Variants in SPG21 observed in about 807,000 individuals in gnomAD.
SPG21 encodes SPG21 abhydrolase domain containing, maspardin, also known as maspardin.
In SPG21, 26 loss-of-function variants were observed where a neutral mutation model predicts 38.9. The ratio of observed to expected loss-of-function variants is 0.67; its 90% CI spans 0.49 to 0.93. The LOEUF (loss-of-function observed/expected upper bound fraction) is 0.93. Ranked by LOEUF, SPG21 falls within the 40% of genes least tolerant of loss-of-function variation. SPG21 has a pLI of 0.00. For missense variants in SPG21, 333 were observed against 376.5 expected, an observed-to-expected ratio of 0.88 and a Z score of 0.96; for synonymous variants, 136 against 128.9, an observed-to-expected ratio of 1.05 and a Z score of -0.37.
chr15:64,987,832 C>T lies in SPG21; in HGVS notation c.-25+1833G>A, dbSNP rs553363284. On this transcript the variant is annotated intron_variant, in intron 1 of 8. Transcript: ENST00000204566. ...GGTGGATCACCTGAGGTCAGGAGTTCGAGACCAGCCTGGCCAACATGGTGC... is the reference window on the plus strand; with the variant it reads ...GGTGGATCACCTGAGGTCAGGAGTTTGAGACCAGCCTGGCCAACATGGTGC... Among the ~76,000 whole-genome samples, 17 of 152,174 alleles carry T rather than the reference C, an allele frequency of 1.1e-4. 1 individual carries two copies. Among genetic ancestry groups the T allele is most frequent in the Admixed American group, 7.9e-4 (12 of 15,284 alleles).
intron 1 of SPG21, among the ~76,000 whole-genome samples, chr15:64,984,984 C>T (rs1392924717): frequency 7.9e-5 from 12 of 151,358 alleles, no homozygotes; most frequent in Admixed American, 7.9e-4. Flanking sequence ...CTCCTGACCT[C>T]ATGATCCACC....
At chr15:64,980,802 A>C (rs2085868785) in intron 3 of SPG21, 62 bp downstream of exon 3, 1 of 1,562,254 alleles carries the variant, frequency 6.4e-7, no homozygotes, top group Non-Finnish European at 8.8e-7. Flanking sequence ...GATGAGAGAC[A>C]GAAGCATAAA....
intron 3 of SPG21, among the ~76,000 whole-genome samples, chr15:64,977,554 T>A (rs2085805504): frequency 6.6e-6 from 1 of 151,824 alleles, no homozygotes; most frequent in African/African-American, 2.4e-5. Context: ...TTTGTAGAAA[T>A]GGGGTTTTGC....
At chr15:64,985,667 C>T (rs1260268521) in intron 1 of SPG21, among the ~76,000 whole-genome samples, 1 of 152,140 alleles carries the variant, frequency 6.6e-6, no homozygotes, top group African/African-American at 2.4e-5. Context: ...ACCTAACTCC[C>T]GGGCTGACTC....
intron 3 of SPG21, among the ~76,000 whole-genome samples, chr15:64,977,101 T>C (rs1223820894): frequency 6.6e-6 from 1 of 152,212 alleles, no homozygotes; most frequent in Admixed American, 6.5e-5. Context: ...GAGTCTCCTC[T>C]GTTGCCCAGG....
At chr15:64,969,595 T>C (rs185644762) in intron 6 of SPG21, among the ~76,000 whole-genome samples, 1,534 of 152,062 alleles carry the variant, frequency 0.01, 15 homozygotes, top group South Asian at 0.019. Flanking sequence ...CCCGGCCTTC[T>C]ACAGCCCTCA....
At chr15:64,979,506 A>G (rs2085845113) in intron 3 of SPG21, among the ~76,000 whole-genome samples, 1 of 152,194 alleles carries the variant, frequency 6.6e-6, no homozygotes, top group Non-Finnish European at 1.5e-5. Flanking sequence ...AAGCTGGAGA[A>G]ATTAAGCCAG....
Position 64,980,444 on chromosome 15 carries a change from A to G in SPG21, c.225+420T>C, listed in dbSNP as rs79991897. Reference sequence around the variant, plus strand: ...AAGCAAACAGTATCTTTCCTCAATTAAAAAAACTGCCTGGCTGGGCGCAGT... The same window carrying G: ...AAGCAAACAGTATCTTTCCTCAATTGAAAAAACTGCCTGGCTGGGCGCAGT... On this transcript the variant is annotated intron_variant, in intron 3 of 8. Coordinates refer to ENST00000204566, the MANE Select transcript of SPG21 (RefSeq NM_016630.7). Among the ~76,000 whole-genome samples the G allele has an allele frequency of 3.0e-3, 454 of 152,168 alleles. 2 individuals are homozygous for G. The highest frequency in any genetic ancestry group is 9.3e-3 in the African/African-American group (387 of 41,506).
At chr15:64,975,835 G>A (rs1008926051) in intron 4 of SPG21, among the ~76,000 whole-genome samples, 1 of 152,002 alleles carries the variant, frequency 6.6e-6, no homozygotes, top group Admixed American at 6.6e-5. Flanking sequence ...AACTCACAAT[G>A]CTAAATAAAA....
In SPG21 at chr15:64,974,755, T is replaced by C; in HGVS notation, c.307-8A>G. The C allele has an allele frequency of 6.2e-7, 1 of 1,614,038 alleles. No individual in the cohort carries two copies. Among genetic ancestry groups the C allele is most frequent in the Non-Finnish European group, 8.5e-7 (1 of 1,179,990 alleles). Reference sequence around the variant, plus strand: ...AGCGCCAAAAAGATGAACCTAATTATAAACAAATATAAGGCAGATTCTGAA... The same window carrying C: ...AGCGCCAAAAAGATGAACCTAATTACAAACAAATATAAGGCAGATTCTGAA... On this transcript the variant is annotated splice_region_variant and splice_polypyrimidine_tract_variant and intron_variant, in intron 4 of 8. Coordinates refer to ENST00000204566, the MANE Select transcript of SPG21 (RefSeq NM_016630.7).
At chr15:64,978,079 C>T (rs913699489) in intron 3 of SPG21, among the ~76,000 whole-genome samples, 8 of 151,312 alleles carry the variant, frequency 5.3e-5, no homozygotes, top group African/African-American at 1.9e-4. Flanking sequence ...GATCCGCCTG[C>T]CTCGGCCTCC....
At chr15:64,975,202 C>T (rs939753890) in intron 4 of SPG21, among the ~76,000 whole-genome samples, 2 of 151,018 alleles carry the variant, frequency 1.3e-5, no homozygotes, top group Non-Finnish European at 2.9e-5. Flanking sequence ...GCAGCAGAAT[C>T]GCTTGAACCT....
chr15:64,963,642 C>T lies in SPG21; in HGVS notation c.905G>A (p.Gly302Asp), dbSNP rs2085490561. 1.2e-6 allele frequency: 2 copies of T among 1,614,042 alleles called. No individual in the cohort carries two copies. Among genetic ancestry groups the T allele is most frequent in the Non-Finnish European group, 1.7e-6 (2 of 1,180,010 alleles). Residue 302 changes from glycine to aspartate, a missense_variant, in exon 9 of 9, where the codon GGC becomes GAC. Physicochemically the swap from Gly to Asp is moderately conservative, Grantham distance 94. Transcript: ENST00000204566. ...EELEVQKGSL[G>D]ISQEEQ ...ACACTACTGCTCCTCCTGGCTGATG[C>T]CAAGGCTGCCTTTCTGCACCTCAAG...
chr15:64,982,569 A>G (rs2085905127), intron 2 of SPG21, among the ~76,000 whole-genome samples: 1 of 152,190 alleles, frequency 6.6e-6, no homozygotes, highest in Admixed American at 6.5e-5. Context: ...GAGCCATCAC[A>G]AACAGCTGCA....
Position 64,963,567 on chromosome 15 carries a change from C to T in SPG21, c.*53G>A. 1 of 1,479,604 alleles carries T rather than the reference C, an allele frequency of 6.8e-7. No homozygotes were observed. Among genetic ancestry groups the T allele is most frequent in the Non-Finnish European group, 9.4e-7 (1 of 1,059,664 alleles). 91.7% of individuals were successfully genotyped at this position (1,479,604 alleles called of 1,614,324 possible). ...GGCTGGCTGACGGGTGCTGATGCCA[C>T]TGACTATACAAGAACACACCGGGTC... On this transcript the variant is annotated 3_prime_UTR_variant, in exon 9 of 9. Coordinates refer to ENST00000204566, the MANE Select transcript of SPG21 (RefSeq NM_016630.7).
intron 2 of SPG21, chr15:64,981,287 TCC>T (rs2085880869): frequency 1.2e-5 from 4 of 339,672 alleles, no homozygotes; most frequent in South Asian, 1.1e-4. Context: ...TTCCCCCTCC[TCC>T]TTTTTTTTTT....
intron 2 of SPG21, 108 bp downstream of exon 2, chr15:64,983,399 C>T: frequency 1.3e-6 from 1 of 786,828 alleles, no homozygotes. Flanking sequence ...AGTCATGATA[C>T]TCGGCAGTAA....
At chr15:64,983,825 C>G (rs1481836402) in intron 1 of SPG21, among the ~76,000 whole-genome samples, 1 of 151,496 alleles carries the variant, frequency 6.6e-6, no homozygotes, top group Non-Finnish European at 1.5e-5. Flanking sequence ...TCTTGTTGCC[C>G]AGGCTGGAGT....
At chr15:64,964,922 G>A (rs1195318707) in intron 8 of SPG21, among the ~76,000 whole-genome samples, 2 of 152,162 alleles carry the variant, frequency 1.3e-5, no homozygotes, top group Admixed American at 1.3e-4. Context: ...GAGCCACTAC[G>A]CCTGGTAGGG....
Sources: allele counts gnomAD v4.1 joint callset (sites outside exome capture counted in the v4.1 genomes callset), GRCh38; gene constraint gnomAD v4.1.1; transcripts MANE v1.5; gene names NCBI Gene and HGNC (gene_info 2026-07-23, HGNC 2026-07-21).